Variants in ABL2 observed in about 807,000 individuals in gnomAD.
The protein encoded by ABL2 is tyrosine-protein kinase ABL2.
In ABL2, 49 loss-of-function variants were observed where a neutral mutation model predicts 107.7. That is an observed-to-expected ratio of 0.45 (90% CI 0.36 to 0.58). ABL2 has a LOEUF of 0.58. Among genes scored for constraint, ABL2 ranks in the 20% least tolerant of loss-of-function variants. The pLI is 0.00. For synonymous variants in ABL2, 549 were observed against 548.6 expected, an observed-to-expected ratio of 1.00 and a Z score of -0.01; for missense variants, 1,245 against 1,457.0, an observed-to-expected ratio of 0.85 and a Z score of 2.37.
chr1:179,196,271 C>T (rs1384622727), intron 1 of ABL2, among the ~76,000 whole-genome samples: 1 of 152,198 alleles, frequency 6.6e-6, no homozygotes, highest in African/African-American at 2.4e-5. Context: ...ATTCAAAATG[C>T]ACCCCCATTT....
In ABL2 at chr1:179,108,584, C is replaced by T. The variant is rs1216515411; in HGVS notation, c.2683G>A (p.Gly895Ser). 2.5e-6 allele frequency: 4 copies of T among 1,614,102 alleles called. No homozygotes were observed. The highest frequency in any genetic ancestry group is 3.4e-6 in the Non-Finnish European group (4 of 1,179,990). The change falls in exon 12 of 12, where the codon GGT (glycine) becomes AGT (serine). Residue 895 changes from glycine (G) to serine (S), a missense_variant. Around this residue, in one of 3 missense-constraint regions of ABL2, gnomAD observed 761 missense variants for 766.4 expected, o/e 0.99. Transcript: ENST00000502732. ...CCAGCCATCCCAAGTCGTGCCCCAC[C>T]ATTCTTCTCTTTACCCTTGGGGGCA... ...AAAPKGKEKN[G>S]GARLGMAGVP...
intron 1 of ABL2, among the ~76,000 whole-genome samples, chr1:179,153,334 T>C (rs1658482177): frequency 2.0e-5 from 3 of 152,080 alleles, no homozygotes; most frequent in African/African-American, 4.8e-5. Flanking sequence ...GCTATAACCA[T>C]ATACTAGATG....
chr1:179,177,876 G>C (rs903584381), intron 1 of ABL2, among the ~76,000 whole-genome samples: 2 of 152,094 alleles, frequency 1.3e-5, no homozygotes, highest in Non-Finnish European at 2.9e-5. Context: ...GTCCATTTGG[G>C]CATCACAGAC....
chr1:179,229,167 T>TGCCCCCCCCCCCCCCCCCC, intron 1 of ABL2, 74 bp downstream of exon 1: 2 of 402,570 alleles, frequency 5.0e-6, no homozygotes, highest in Non-Finnish European at 9.3e-6. Context: ...GGGCAGCCCG[T>TGCCCCCCCCCCCCCCCCCC]CCGCCACCCA....
At chr1:179,179,763 T>C (rs1334043055) in intron 1 of ABL2, among the ~76,000 whole-genome samples, 1 of 151,994 alleles carries the variant, frequency 6.6e-6, no homozygotes, top group Non-Finnish European at 1.5e-5. Context: ...GCATGTAAAA[T>C]AGTACAACTG....
chr1:179,135,956 T>TG (rs34745588), intron 1 of ABL2, among the ~76,000 whole-genome samples: 10 of 53,358 alleles, frequency 1.9e-4, no homozygotes, highest in Admixed American at 5.1e-4. Context: ...AGGAGGGAGG[T>TG]GGGGGGGGTC....
chr1:179,148,851 G>A (rs1658187747), intron 1 of ABL2, among the ~76,000 whole-genome samples: 1 of 143,412 alleles, frequency 7.0e-6, no homozygotes, highest in African/African-American at 2.6e-5. Context: ...AGTACGCCGA[G>A]ATCATGCCAC....
chr1:179,182,957 A>C (rs1221751282), intron 1 of ABL2, among the ~76,000 whole-genome samples: 1 of 152,076 alleles, frequency 6.6e-6, no homozygotes, highest in Non-Finnish European at 1.5e-5. Context: ...CTGGAAGTGG[A>C]TTGTCATAGT....
At position 179,228,071 on chromosome 1, in the gene ABL2, AAG is replaced by A. The variant is rs1663326494; in HGVS notation, c.157+1168_157+1169del. The stretch of plus-strand genomic sequence containing the variant: ...TCTCCAAAAAAAAAAAAAAAAAAAA[AAG>A]AGTTTGGGCCAGGAACGGTGGTGGC... On this transcript the variant is annotated intron_variant, in intron 1 of 11. Coordinates refer to ENST00000502732, the MANE Select transcript of ABL2 (RefSeq NM_007314.4). 4.7e-5 allele frequency among the ~76,000 whole-genome samples: 7 copies of A among 150,068 alleles called. No individual in the cohort carries two copies. In the Admixed American group the frequency reaches 4.7e-4, roughly 10 times the overall value.
chr1:179,191,998 T>G (rs1054563663), intron 1 of ABL2, among the ~76,000 whole-genome samples: 1 of 152,194 alleles, frequency 6.6e-6, no homozygotes, highest in Non-Finnish European at 1.5e-5. Flanking sequence ...AAAAATACAT[T>G]TAATTGCAAA....
chr1:179,213,955 A>C (rs1458054756), intron 1 of ABL2, among the ~76,000 whole-genome samples: 1 of 152,290 alleles, frequency 6.6e-6, no homozygotes, highest in Non-Finnish European at 1.5e-5. Context: ...AAAGAAAAAA[A>C]TTATCTAGAA....
At chr1:179,186,900 C>T (rs991556659) in intron 1 of ABL2, among the ~76,000 whole-genome samples, 1 of 151,168 alleles carries the variant, frequency 6.6e-6, no homozygotes, top group Non-Finnish European at 1.5e-5. Context: ...CCATGCTTGG[C>T]TAATTTTTGT....
rs576585647 is a variant in ABL2 at position 179,106,265 on chromosome 1, C to G, written c.*1453G>C. ...TCATTAGATTCACTTCCATGCCATC[C>G]TAATTAGCTTCCACAATTATAACTA... is the stretch of plus-strand genomic sequence containing the variant. On this transcript the variant is annotated 3_prime_UTR_variant, in exon 12 of 12. Coordinates refer to ENST00000502732, the MANE Select transcript of ABL2 (RefSeq NM_007314.4). The G allele has an allele frequency of 4.4e-6, 1 of 227,940 alleles. No individual in the cohort carries two copies. Among genetic ancestry groups the G allele is most frequent in the African/African-American group, 2.2e-5 (1 of 45,110 alleles). 14.1% of individuals were successfully genotyped at this position (227,940 alleles called of 1,614,324 possible).
chr1:179,159,868 C>A (rs1045909411), intron 1 of ABL2, among the ~76,000 whole-genome samples: 1 of 152,184 alleles, frequency 6.6e-6, no homozygotes, highest in Non-Finnish European at 1.5e-5. Flanking sequence ...AATCCCAGCA[C>A]TTTGGGAGGC....
intron 1 of ABL2, among the ~76,000 whole-genome samples, chr1:179,192,654 G>A (rs1183048254): frequency 1.3e-5 from 2 of 152,166 alleles, no homozygotes; most frequent in Admixed American, 1.3e-4. Flanking sequence ...AATTACTTAT[G>A]TGCCAGACAT....
At position 179,173,358 on chromosome 1, in the gene ABL2, A is replaced by ATTT. The variant is rs554479137; in HGVS notation, c.158-39987_158-39985dup. ...AAACATTAAAGTTAGAAAGGCTGTAATTTTTTTTTTTTTTTTTTTTTTTGA... is the reference window on the plus strand; with the variant it reads ...AAACATTAAAGTTAGAAAGGCTGTAATTTTTTTTTTTTTTTTTTTTTTTTTTGA... On this transcript the variant is annotated intron_variant, in intron 1 of 11. Transcript: ENST00000502732. Among the ~76,000 whole-genome samples, 595 of 106,122 alleles carry ATTT rather than the reference A, an allele frequency of 5.6e-3. 19 individuals carry two copies. The highest frequency in any genetic ancestry group is 0.012 in the African/African-American group (308 of 26,762). 69.6% of individuals were successfully genotyped at this position (106,122 alleles called of 152,430 possible).
chr1:179,108,288 C>T lies in ABL2; in HGVS notation c.2979G>A (p.Leu993=), dbSNP rs763442475. Residue 993 remains leucine, a synonymous_variant, in exon 12 of 12, where the codon CTG becomes CTA. Coordinates refer to ENST00000502732, the MANE Select transcript of ABL2 (RefSeq NM_007314.4). ...GGTCTGAGCAGATGGACGGATGCTG[C>T]AGTAGTCTCATCACTGGTGGTGGGG... The part of the protein sequence containing the change: ...APPPPPVMRL[L]QHPSICSDPT... 34 of 1,613,850 alleles carry T rather than the reference C, an allele frequency of 2.1e-5. No individual in the cohort carries two copies. Among genetic ancestry groups the T allele is most frequent in the Non-Finnish European group, 2.8e-5 (33 of 1,180,002 alleles).
chr1:179,117,092 C>T, intron 8 of ABL2: 2 of 504,052 alleles, frequency 4.0e-6, no homozygotes, highest in Admixed American at 3.2e-5. Context: ...CCCATCTCGG[C>T]CCAAAGTGCT....
chr1:179,185,351 G>A (rs1660622550), intron 1 of ABL2, among the ~76,000 whole-genome samples: 1 of 152,098 alleles, frequency 6.6e-6, no homozygotes, highest in Admixed American at 6.5e-5. Flanking sequence ...TCCTAATGAT[G>A]ACTTGAGCCC....
Sources: allele counts gnomAD v4.1 joint callset (sites outside exome capture counted in the v4.1 genomes callset), GRCh38; gene constraint gnomAD v4.1.1; regional missense constraint gnomAD v4.1.1; transcripts MANE v1.5; gene names NCBI Gene and HGNC (gene_info 2026-07-23, HGNC 2026-07-21).